KIF26A: variants seen among roughly 807,000 people sequenced by gnomAD.
KIF26A encodes kinesin family member 26A.
A neutral mutation model predicts 126.0 loss-of-function variants in KIF26A; 74 were observed. The observed-to-expected ratio is 0.59, with a 90% CI of 0.49 to 0.71. KIF26A has a LOEUF of 0.71. Ranked by LOEUF, KIF26A falls within the 30% of genes least tolerant of loss-of-function variation. The pLI is 0.00. For missense variants in KIF26A, 2,984 were observed against 2,763.3 expected, an observed-to-expected ratio of 1.08 and a Z score of -1.79; for synonymous variants, 1,445 against 1,232.7, an observed-to-expected ratio of 1.17 and a Z score of -3.61.
intron 4 of KIF26A, among the ~76,000 whole-genome samples, chr14:104,161,608 G>A (rs1165206630): frequency 2.0e-5 from 3 of 152,210 alleles, no homozygotes; most frequent in Non-Finnish European, 4.4e-5. Context: ...TCTGGGGGCC[G>A]TTCAGGTGCC....
rs764119360 is a variant in KIF26A, at chr14:104,175,330, C to G, written c.2542C>G (p.Leu848Val). The G allele has an allele frequency of 4.4e-6, 7 of 1,603,896 alleles. No individual in the cohort carries two copies. The African/African-American group carries it at 9.3e-5, about 21-fold the overall frequency. Residue 848 changes from leucine to valine, a missense_variant, in exon 12 of 15, where the codon CTG (leucine) becomes GTG (valine). Transcript: ENST00000423312. ...CACCTTCGCGGAGCTGCAGGAGCGG[C>G]TGGAATGCATGGACGGCAACGAGGG... ...CSTFAELQER[L>V]ECMDGNEGPS...
At position 104,174,880 on chromosome 14, in the gene KIF26A, A is replaced by G. The variant is rs911365350; in HGVS notation, c.2194-102A>G. 2.3e-6 allele frequency: 3 copies of G among 1,277,742 alleles called. No individual in the cohort carries two copies. The East Asian group carries it at 7.7e-5, about 33-fold the overall frequency. The allele number at this position is 1,277,742 out of a possible 1,614,324, so 79.2% of individuals were successfully genotyped here. The stretch of plus-strand genomic sequence containing the variant: ...GTTGGTGGTGCCTGCTGTAGTTTTC[A>G]TCACAGTGACCGCAGCATTGGCCCT... On this transcript the variant is annotated intron_variant, in intron 11 of 14. Transcript: ENST00000423312.
chr14:104,172,506 C>A (rs372748817), intron 6 of KIF26A, 69 bp from the exon 7 acceptor site: 5 of 1,189,316 alleles, frequency 4.2e-6, no homozygotes, highest in Non-Finnish European at 6.1e-6. Flanking sequence ...CAGGACAGAC[C>A]GGCCTCAGGC....
At chr14:104,139,331 C>T (rs2037614624) in intron 2 of KIF26A, 43 bp downstream of exon 2, 3 of 1,389,330 alleles carry the variant, frequency 2.2e-6, no homozygotes, top group African/African-American at 1.5e-5. Context: ...AGCAGGGCCA[C>T]GCCGAACTTG....
intron 2 of KIF26A, among the ~76,000 whole-genome samples, chr14:104,150,013 G>T (rs1486452456): frequency 1.3e-5 from 2 of 152,196 alleles, no homozygotes; most frequent in African/African-American, 4.8e-5. Context: ...CTCAGCCTGT[G>T]CAGGGGCCAG....
Position 104,148,545 on chromosome 14 carries a change from A to C in KIF26A, c.289-3470A>C, listed in dbSNP as rs1425315746. On this transcript the variant is annotated intron_variant, in intron 2 of 14. Coordinates refer to ENST00000423312, the MANE Select transcript of KIF26A (RefSeq NM_015656.2). This position sits in a 1 kb window ranked among gnomAD's most constrained non-coding sequence, Gnocchi z 4.3. ...CCAGAGGACCCCGTGAGCTGCCGGG[A>C]TGGCTGGGAGAGGAGGCCTGGTCCC... Among the ~76,000 whole-genome samples, 1 of 151,702 alleles carries C rather than the reference A, an allele frequency of 6.6e-6. No homozygotes were observed. Among genetic ancestry groups the C allele is most frequent in the Non-Finnish European group, 1.5e-5 (1 of 67,944 alleles).
chr14:104,166,163 TGAGTGAC>T (rs2037897812), intron 4 of KIF26A, among the ~76,000 whole-genome samples: 1 of 146,432 alleles, frequency 6.8e-6, no homozygotes, highest in Non-Finnish European at 1.5e-5. Context: ...CCAGCAGCCC[TGAGTGAC>T]GAGGGTGGCA....
Position 104,171,833 on chromosome 14 carries a change from C to A in KIF26A, c.1224C>A (p.Pro408=). Residue 408 remains proline, a synonymous_variant, in exon 6 of 15, where the codon CCC becomes CCA. Coordinates refer to ENST00000423312, the MANE Select transcript of KIF26A (RefSeq NM_015656.2). ...AGAAGCAGGTGATCCTCTACGATCCCGCCGCCGGTCCCCCAGGCAGCGCAG... is the reference window on the plus strand; with the variant it reads ...AGAAGCAGGTGATCCTCTACGATCCAGCCGCCGGTCCCCCAGGCAGCGCAG... ...PRKKQVILYD[P]AAGPPGSAGP... is the part of the protein sequence containing the mutation. 3 of 1,557,236 alleles carry A rather than the reference C, an allele frequency of 1.9e-6. No homozygotes were observed. The highest frequency in any genetic ancestry group is 2.6e-6 in the Non-Finnish European group (3 of 1,151,572).
chr14:104,160,934 G>A (rs1324846165), intron 4 of KIF26A, among the ~76,000 whole-genome samples: 1 of 152,220 alleles, frequency 6.6e-6, no homozygotes, highest in Non-Finnish European at 1.5e-5. Context: ...ACCCCACTGT[G>A]GCCTCAGCAG....
chr14:104,167,081 G>C (rs759461225), intron 5 of KIF26A, 33 bp downstream of exon 5: 14 of 1,484,314 alleles, frequency 9.4e-6, no homozygotes, highest in Non-Finnish European at 1.2e-5. Context: ...GGCCCTGGGT[G>C]GGGAGGCCAG....
At chr14:104,153,191 C>A (rs1168574526) in intron 3 of KIF26A, among the ~76,000 whole-genome samples, 1 of 152,118 alleles carries the variant, frequency 6.6e-6, no homozygotes, top group Non-Finnish European at 1.5e-5. Context: ...GGTGAGGTGG[C>A]CTGTCTGGAC....
chr14:104,153,169 C>T (rs1290292092), intron 3 of KIF26A, among the ~76,000 whole-genome samples: 1 of 152,158 alleles, frequency 6.6e-6, no homozygotes, highest in Non-Finnish European at 1.5e-5. Context: ...GGCTTTCGGC[C>T]TCCCTGTGAC....
At chr14:104,179,206 G>C in intron 13 of KIF26A, 30 bp from the exon 14 acceptor site, 1 of 1,437,030 alleles carries the variant, frequency 7.0e-7, no homozygotes, top group South Asian at 1.5e-5. Flanking sequence ...AGGGTCCCAT[G>C]CCTGAGCCCC....
Position 104,176,049 on chromosome 14 carries a change from C to T in KIF26A, c.3261C>T (p.Thr1087=), listed in dbSNP as rs772703669. The T allele has an allele frequency of 1.9e-6, 3 of 1,596,026 alleles. No homozygotes were observed. ...TCAATGATGAGTTTGACGCCTACACCTCTCAGGCCCCTGAGGGGGGGCCCC... is the reference window on the plus strand; with the variant it reads ...TCAATGATGAGTTTGACGCCTACACTTCTCAGGCCCCTGAGGGGGGGCCCC... ...SSINDEFDAY[T]SQAPEGGPLE... is the part of the protein sequence containing the mutation. The change falls in exon 12 of 15, where the codon ACC becomes ACT. Residue 1087 remains threonine (T), a synonymous_variant. Transcript: ENST00000423312.
Position 104,179,824 on chromosome 14 carries a change from G to A in KIF26A, c.*34G>A, listed in dbSNP as rs6576019. ...GCCGGACAAGAGGAGGGGGCGTGCAGCGGGCTGGAGGACGGGACGTGGGAC... is the reference window on the plus strand; with the variant it reads ...GCCGGACAAGAGGAGGGGGCGTGCAACGGGCTGGAGGACGGGACGTGGGAC... On this transcript the variant is annotated 3_prime_UTR_variant, in exon 15 of 15. Coordinates refer to ENST00000423312, the MANE Select transcript of KIF26A (RefSeq NM_015656.2). 2.7e-6 allele frequency: 4 copies of A among 1,489,494 alleles called. No homozygotes were observed. The highest frequency in any genetic ancestry group is 3.6e-6 in the Non-Finnish European group (4 of 1,120,150). The allele number at this position is 1,489,494 out of a possible 1,614,324, so 92.3% of individuals were successfully genotyped here. A position where few individuals can be genotyped will look rare whatever the true frequency, so the allele number is the denominator to read the frequency against.
Position 104,152,763 on chromosome 14 carries a change from G to T in KIF26A, c.735+302G>T, listed in dbSNP as rs1365553396. 1.2e-4 allele frequency among the ~76,000 whole-genome samples: 19 copies of T among 152,208 alleles called. No individual in the cohort carries two copies. Among genetic ancestry groups the T allele is most frequent in the Admixed American group, 1.2e-3 (19 of 15,284 alleles). The stretch of plus-strand genomic sequence containing the variant: ...CCACCAGTGCCCAGCACAGGGCTTG[G>T]CGATGCACAGGGCACCGTGTGTAGA... On this transcript the variant is annotated intron_variant, in intron 3 of 14. Coordinates refer to ENST00000423312, the MANE Select transcript of KIF26A (RefSeq NM_015656.2). The surrounding 1 kb of genome is among the most constrained non-coding windows in gnomAD (Gnocchi z 5.9).
chr14:104,175,974 C>G lies in KIF26A; in HGVS notation c.3186C>G (p.Ser1062=). Residue 1062 remains serine (S), a synonymous_variant, in exon 12 of 15, where the codon TCC becomes TCG. Transcript: ENST00000423312. ...TGGCTAGCTTCGACAGTGACTGCTC[C>G]CTGCGGGCCCTGGCCTCGGGGTCCC... ...TSLASFDSDC[S]LRALASGSRP... The G allele has an allele frequency of 6.3e-7, 1 of 1,575,182 alleles. No individual in the cohort carries two copies. The highest frequency in any genetic ancestry group is 1.8e-5 in the Admixed American group (1 of 56,516).
At chr14:104,141,789 A>G (rs2037640065) in intron 2 of KIF26A, among the ~76,000 whole-genome samples, 5 of 152,132 alleles carry the variant, frequency 3.3e-5, no homozygotes, top group African/African-American at 7.2e-5. Context: ...GGTCCTGCCT[A>G]TGCTCATCCC....
Position 104,178,690 on chromosome 14 carries a change from T to A in KIF26A, c.5251T>A (p.Tyr1751Asn). ...SLKEPFEIKV[Y>N]EIDDVERLQR... ...GAAGGAGCCGTTCGAGATCAAGGTG[T>A]ACGAGATCGATGACGTGGAGCGCCT... is the stretch of plus-strand genomic sequence containing the variant. Residue 1751 changes from tyrosine to asparagine, a missense_variant, in exon 13 of 15, where the codon TAC becomes AAC. Coordinates refer to ENST00000423312, the MANE Select transcript of KIF26A (RefSeq NM_015656.2). 1 of 1,563,548 alleles carries A rather than the reference T, an allele frequency of 6.4e-7. No individual in the cohort carries two copies.
Sources: allele counts gnomAD v4.1 joint callset (sites outside exome capture counted in the v4.1 genomes callset), GRCh38; gene constraint gnomAD v4.1.1; non-coding constraint Gnocchi (gnomAD v3.1); transcripts MANE v1.5; gene names NCBI Gene and HGNC (gene_info 2026-07-23, HGNC 2026-07-21).